The following NT5DC3 variants were observed in gnomAD, a reference collection of about 807,000 sequenced individuals.
NT5DC3 encodes 5'-nucleotidase domain containing 3, also known as 5'-nucleotidase domain-containing protein 3.
In NT5DC3, 42 loss-of-function variants were observed where a neutral mutation model predicts 67.8. That is an observed-to-expected ratio of 0.62 (90% CI 0.48 to 0.80). NT5DC3 has a LOEUF of 0.80. Ranked by LOEUF, NT5DC3 falls within the 30% of genes least tolerant of loss-of-function variation. NT5DC3 has a pLI of 0.00. For missense variants in NT5DC3, 570 were observed against 696.4 expected (o/e 0.82, Z 2.04); for synonymous variants, 237 against 255.6 (o/e 0.93, Z 0.69).
intron 1 of NT5DC3, among the ~76,000 whole-genome samples, chr12:103,816,381 T>C (rs1401093372): frequency 6.6e-6 from 1 of 152,252 alleles, no homozygotes; most frequent in Non-Finnish European, 1.5e-5. Flanking sequence ...ATGTCCAACC[T>C]GTACTCTATG....
chr12:103,798,071 G>A (rs902660190), intron 5 of NT5DC3, among the ~76,000 whole-genome samples: 11 of 152,196 alleles, frequency 7.2e-5, no homozygotes, highest in East Asian at 5.8e-4. Context: ...GGGGCTGTCT[G>A]TACTAAGTTT....
chr12:103,748,605 T>TAC, the NT5DC3 span, among the ~76,000 whole-genome samples: 801 of 141,700 alleles, frequency 5.7e-3, 4 homozygotes, highest in Non-Finnish European at 8.8e-3. Context: ...CACACACACA[T>TAC]ACACACACAC....
intron 2 of NT5DC3, among the ~76,000 whole-genome samples, chr12:103,814,089 A>C (rs376390378): frequency 9.2e-5 from 14 of 152,144 alleles, no homozygotes; most frequent in East Asian, 3.8e-4. Context: ...TGATCTACCC[A>C]CGTGACCGAC....
At chr12:103,765,086 CAAAAA>C in the NT5DC3 span, among the ~76,000 whole-genome samples, 20,660 of 65,630 alleles carry the variant, frequency 0.31, 1,495 homozygotes, top group South Asian at 0.48. Context: ...GACTCTGTCT[CAAAAA>C]AAAAAAAAAA....
chr12:103,770,090 T>C (rs1037768001), downstream of NT5DC3, among the ~76,000 whole-genome samples: 7 of 152,210 alleles, frequency 4.6e-5, no homozygotes, highest in Admixed American at 1.3e-4. Flanking sequence ...GAAAAGTAAT[T>C]CATAGAAAAC....
At chr12:103,803,859 A>G (rs59902880) in intron 4 of NT5DC3, among the ~76,000 whole-genome samples, 38,474 of 139,828 alleles carry the variant, frequency 0.28, 5,555 homozygotes, top group East Asian at 0.63. Context: ...ATTCATTACC[A>G]CCCCCCCCCC....
chr12:103,808,597 T>A (rs1262935811), intron 2 of NT5DC3, among the ~76,000 whole-genome samples: 1 of 152,234 alleles, frequency 6.6e-6, no homozygotes, highest in African/African-American at 2.4e-5. Context: ...GGATCATTTA[T>A]CCACTACCTG....
rs768980161 is a variant in NT5DC3 at position 103,787,481 on chromosome 12, C to T, written c.1148G>A (p.Arg383Lys). 2.5e-6 allele frequency: 4 copies of T among 1,604,510 alleles called. No individual in the cohort carries two copies. In the Admixed American group the frequency reaches 6.8e-5, roughly 27 times the overall value. ...FLKLTGWRGSRVLYFGDHIYS... is the reference protein window; with the variant it reads ...FLKLTGWRGSKVLYFGDHIYS... ...TATATGGTCACCAAAATACAACACT[C>T]TGGATCCTCTCCATCCAGTAAGCTT... is the stretch of plus-strand genomic sequence containing the variant. The change falls in exon 11 of 14, where the codon AGA (arginine) becomes AAA (lysine). Residue 383 changes from arginine (R) to lysine (K), a missense_variant. Coordinates refer to ENST00000392876, the MANE Select transcript of NT5DC3 (RefSeq NM_001031701.3).
intron 12 of NT5DC3, among the ~76,000 whole-genome samples, chr12:103,781,008 C>CA (rs1297615887): frequency 2.0e-5 from 3 of 151,974 alleles, no homozygotes; most frequent in Non-Finnish European, 2.9e-5. Context: ...GGCAAGAAGG[C>CA]AAATCACCTC....
chr12:103,786,459 AG>A (rs1885778041), intron 11 of NT5DC3, among the ~76,000 whole-genome samples: 1 of 152,180 alleles, frequency 6.6e-6, no homozygotes, highest in Admixed American at 6.5e-5. Context: ...GCAGAGGCAG[AG>A]GATGTCTTCA....
intron 12 of NT5DC3, among the ~76,000 whole-genome samples, chr12:103,781,662 C>A (rs1034073266): frequency 1.3e-5 from 2 of 152,126 alleles, no homozygotes; most frequent in African/African-American, 4.8e-5. Flanking sequence ...CAGCTCTGTC[C>A]CCCTACAAGG....
downstream of NT5DC3, among the ~76,000 whole-genome samples, chr12:103,767,592 T>C (rs1478715259): frequency 6.6e-6 from 1 of 152,202 alleles, no homozygotes; most frequent in African/African-American, 2.4e-5. Context: ...AACTAAATAA[T>C]ACATCATCTT....
intron 1 of NT5DC3, among the ~76,000 whole-genome samples, chr12:103,822,676 C>T (rs931570135): frequency 7.2e-5 from 11 of 152,104 alleles, no homozygotes; most frequent in African/African-American, 2.4e-4. Flanking sequence ...TCTGTAATAA[C>T]GGAATCTGGT....
chr12:103,770,523 C>T (rs1263212389), downstream of NT5DC3: 1 of 151,988 alleles, frequency 6.6e-6, no homozygotes, highest in Non-Finnish European at 1.5e-5. Context: ...AAGCCTCAAC[C>T]TTCTGGGCTC....
downstream of NT5DC3, among the ~76,000 whole-genome samples, chr12:103,768,087 CAAAAAAAAAAA>C (rs34935949): frequency 1.1e-5 from 1 of 87,220 alleles, no homozygotes; most frequent in Non-Finnish European, 2.2e-5. Context: ...GACTCCTTCT[CAAAAAAAAAAA>C]AAAAAAAAAA....
At chr12:103,806,781 AAAG>A (rs1886818000) in intron 3 of NT5DC3, 71 bp downstream of exon 3, 1 of 975,892 alleles carries the variant, frequency 1.0e-6, no homozygotes, top group East Asian at 2.4e-5. Flanking sequence ...CCCGTTCAGT[AAAG>A]AAAAGTACCA....
intron 1 of NT5DC3, among the ~76,000 whole-genome samples, chr12:103,817,296 A>T (rs1284719647): frequency 6.6e-6 from 1 of 152,224 alleles, no homozygotes; most frequent in Non-Finnish European, 1.5e-5. Flanking sequence ...AACAGGACAA[A>T]CACAATCATC....
In NT5DC3 at chr12:103,787,492, C is replaced by T; in HGVS notation, c.1137G>A (p.Trp379Ter). ...NLYEFLKLTG[W>*]RGSRVLYFGD... ...CAAAATACAACACTCTGGATCCTCTCCATCCAGTAAGCTTCAAAAATTCAT... is the reference window on the plus strand; with the variant it reads ...CAAAATACAACACTCTGGATCCTCTTCATCCAGTAAGCTTCAAAAATTCAT... The change falls in exon 11 of 14, where the codon TGG (tryptophan) becomes TGA (stop). Residue 379 changes from tryptophan to a stop codon, truncating the protein, a stop_gained. Coordinates refer to ENST00000392876, the MANE Select transcript of NT5DC3 (RefSeq NM_001031701.3). LOFTEE classifies it high-confidence loss of function. 3 of 1,602,626 alleles carry T rather than the reference C, an allele frequency of 1.9e-6. No individual in the cohort carries two copies. The highest frequency in any genetic ancestry group is 2.6e-6 in the Non-Finnish European group (3 of 1,173,226).
intron 7 of NT5DC3, among the ~76,000 whole-genome samples, chr12:103,793,732 T>C (rs1334062915): frequency 6.6e-6 from 1 of 152,184 alleles, no homozygotes; most frequent in Non-Finnish European, 1.5e-5. Context: ...TAAGTGGCTA[T>C]AGCTGCCAGT....
Sources: allele counts gnomAD v4.1 joint callset (sites outside exome capture counted in the v4.1 genomes callset), GRCh38; gene constraint gnomAD v4.1.1; transcripts MANE v1.5; gene names NCBI Gene and HGNC (gene_info 2026-07-23, HGNC 2026-07-21).